Variants in SYN3 observed in about 807,000 individuals in gnomAD.
SYN3 encodes the protein synapsin III, also known as synapsin-3.
A neutral mutation model predicts 65.8 loss-of-function variants in SYN3; 35 were observed. The ratio of observed to expected loss-of-function variants is 0.53; its 90% CI spans 0.41 to 0.70. The LOEUF is 0.70. SYN3 is among the 30% of genes least tolerant of loss of function. The pLI is 0.00. For synonymous variants in SYN3, 270 were observed against 292.9 expected, an observed-to-expected ratio of 0.92 and a Z score of 0.80; for missense variants, 680 against 749.0, an observed-to-expected ratio of 0.91 and a Z score of 1.08.
In SYN3 at chr22:32,799,347, A is replaced by C. The variant is rs1309840996; in HGVS notation, c.711+65568T>G. Reference sequence around the variant, plus strand: ...TAGGGAGTGAGAAGAAATTAACCAAAAGGTAATTTCGTTACTTTTCAGCTG... The same window carrying C: ...TAGGGAGTGAGAAGAAATTAACCAACAGGTAATTTCGTTACTTTTCAGCTG... On this transcript the variant is annotated intron_variant, in intron 6 of 13. Transcript: ENST00000358763. Among the ~76,000 whole-genome samples, 4 of 152,208 alleles carry C rather than the reference A, an allele frequency of 2.6e-5. No individual in the cohort carries two copies. The East Asian group carries it at 7.7e-4, about 29-fold the overall frequency.
At chr22:32,589,861 A>G (rs1277771955) in intron 7 of SYN3, among the ~76,000 whole-genome samples, 1 of 152,090 alleles carries the variant, frequency 6.6e-6, no homozygotes, top group African/African-American at 2.4e-5. Context: ...TCCCTTTCAA[A>G]CACCCAAAAT....
chr22:32,548,830 G>T lies in SYN3; in HGVS notation c.775-7117C>A, dbSNP rs903950997. On this transcript the variant is annotated intron_variant, in intron 7 of 13. Coordinates refer to ENST00000358763, the MANE Select transcript of SYN3 (RefSeq NM_003490.4). ...GATATAATGGAAGACACATGAAATGGTATGCACGCAAGGCTGTTTATTGCA... is the reference window on the plus strand; with the variant it reads ...GATATAATGGAAGACACATGAAATGTTATGCACGCAAGGCTGTTTATTGCA... 2.6e-5 allele frequency among the ~76,000 whole-genome samples: 4 copies of T among 152,194 alleles called. 1 individual carries two copies. The highest frequency in any genetic ancestry group is 5.9e-5 in the Non-Finnish European group (4 of 68,044).
intron 2 of SYN3, among the ~76,000 whole-genome samples, chr22:32,991,229 C>T (rs1279191131): frequency 1.4e-5 from 2 of 148,010 alleles, no homozygotes; most frequent in African/African-American, 2.5e-5. Context: ...TGCATACTAC[C>T]GGGGAAGCTG....
chr22:32,712,839 C>A (rs939857956), intron 6 of SYN3, among the ~76,000 whole-genome samples: 3 of 152,102 alleles, frequency 2.0e-5, no homozygotes, highest in African/African-American at 4.8e-5. Context: ...ATGTGCGAAT[C>A]CCTGTTTTAT....
At chr22:32,994,508 CACAA>C (rs2052821720) in intron 2 of SYN3, among the ~76,000 whole-genome samples, 1 of 152,182 alleles carries the variant, frequency 6.6e-6, no homozygotes, top group South Asian at 2.1e-4. Flanking sequence ...CATTTCCCCA[CACAA>C]ACAGGCAGGG....
At chr22:32,606,104 T>G (rs751988763) in intron 6 of SYN3, among the ~76,000 whole-genome samples, 1 of 152,200 alleles carries the variant, frequency 6.6e-6, no homozygotes, top group African/African-American at 2.4e-5. Context: ...GACGGCAGTC[T>G]GCCCTTGCTC....
At chr22:32,836,204 A>G (rs1024719339) in intron 6 of SYN3, among the ~76,000 whole-genome samples, 7 of 152,230 alleles carry the variant, frequency 4.6e-5, no homozygotes, top group Admixed American at 1.3e-4. Context: ...CTGTTTGTAA[A>G]GTGTGTCTGT....
At chr22:32,833,795 T>C (rs752928315) in intron 6 of SYN3, 5 of 499,554 alleles carry the variant, frequency 1.0e-5, no homozygotes, top group Non-Finnish European at 2.0e-5. Flanking sequence ...ACTTACTTTA[T>C]AGGGCCCTAG....
At chr22:32,627,779 A>T (rs1207816277) in intron 6 of SYN3, among the ~76,000 whole-genome samples, 1 of 152,066 alleles carries the variant, frequency 6.6e-6, no homozygotes, top group African/African-American at 2.4e-5. Flanking sequence ...TCCCTCCTTG[A>T]AGAAGCTCCA....
chr22:32,824,570 G>A (rs1022560791), intron 6 of SYN3, among the ~76,000 whole-genome samples: 3 of 151,960 alleles, frequency 2.0e-5, no homozygotes, highest in Non-Finnish European at 4.4e-5. Context: ...TATATTTTTT[G>A]CATAATTAAA....
intron 6 of SYN3, among the ~76,000 whole-genome samples, chr22:32,725,346 A>C (rs1467119157): frequency 6.6e-6 from 1 of 152,064 alleles, no homozygotes; most frequent in African/African-American, 2.4e-5. Flanking sequence ...GCCATAAAAC[A>C]GGATTTAACT....
At chr22:32,715,310 T>C (rs2061022242) in intron 6 of SYN3, among the ~76,000 whole-genome samples, 1 of 152,212 alleles carries the variant, frequency 6.6e-6, no homozygotes, top group Admixed American at 6.5e-5. Flanking sequence ...CTGTAATAAA[T>C]ACAGCTGTTT....
chr22:32,532,567 C>A (rs551352585), intron 10 of SYN3, among the ~76,000 whole-genome samples: 1 of 152,384 alleles, frequency 6.6e-6, no homozygotes, highest in Non-Finnish European at 1.5e-5. Flanking sequence ...AGCTTCCTGG[C>A]CTCTCTGGGG....
intron 1 of SYN3, among the ~76,000 whole-genome samples, chr22:33,028,658 G>GTGGTGGTGGTGGTGGTGA (rs2053682757): frequency 9.4e-6 from 1 of 106,618 alleles, no homozygotes; most frequent in African/African-American, 5.3e-5. Flanking sequence ...GGTGGTGGTG[G>GTGGTGGTGGTGGTGGTGA]TGGTGGTGGT....
rs572081492 is a variant in SYN3, at chr22:32,514,156, A to C, written c.1611-332T>G. On this transcript the variant is annotated intron_variant, in intron 13 of 13. Coordinates refer to ENST00000358763, the MANE Select transcript of SYN3 (RefSeq NM_003490.4). ...GTTGAGGCAGCAGGCATTGCTGGAGAGTAGCTTGGCTGCTCTCCTGCCTAT... is the reference window on the plus strand; with the variant it reads ...GTTGAGGCAGCAGGCATTGCTGGAGCGTAGCTTGGCTGCTCTCCTGCCTAT... Among the ~76,000 whole-genome samples, 758 of 152,270 alleles carry C rather than the reference A, an allele frequency of 5.0e-3. 3 individuals carry two copies. The highest frequency in any genetic ancestry group is 0.015 in the South Asian group (71 of 4,822).
At chr22:32,703,310 G>T (rs1331437169) in intron 6 of SYN3, among the ~76,000 whole-genome samples, 1 of 152,136 alleles carries the variant, frequency 6.6e-6, no homozygotes, top group African/African-American at 2.4e-5. Flanking sequence ...ACACACTCAG[G>T]ATCTGTACAT....
chr22:32,524,748 T>G (rs1366826014), intron 12 of SYN3, among the ~76,000 whole-genome samples: 1 of 152,226 alleles, frequency 6.6e-6, no homozygotes, highest in African/African-American at 2.4e-5. Flanking sequence ...CAGTGGCTCA[T>G]GCCTGTAATC....
chr22:32,641,468 C>T (rs558431635), intron 6 of SYN3, among the ~76,000 whole-genome samples: 6 of 151,712 alleles, frequency 4.0e-5, no homozygotes, highest in African/African-American at 1.2e-4. Context: ...ATTAGCTGGG[C>T]GTGGTGGCGG....
chr22:32,996,653 C>T (rs867659398), intron 2 of SYN3, among the ~76,000 whole-genome samples: 8 of 152,154 alleles, frequency 5.3e-5, no homozygotes, highest in Admixed American at 2.0e-4. Flanking sequence ...TCTAAACATA[C>T]GGGAAAGAAT....
Sources: gnomAD v4.1 joint callset for allele counts (sites outside exome capture counted in the v4.1 genomes callset) on GRCh38, gnomAD v4.1.1 for gene constraint, MANE v1.5 for transcripts, NCBI Gene and HGNC (gene_info 2026-07-23, HGNC 2026-07-21) for gene names.